The following PTPN2 variants were observed in gnomAD, a reference collection of about 807,000 sequenced individuals.
PTPN2 encodes tyrosine-protein phosphatase non-receptor type 2.
PTPN2 carries 19 observed loss-of-function variants against 57.3 expected under a neutral mutation model. That is an observed-to-expected ratio of 0.33 (90% confidence interval 0.23 to 0.49). PTPN2 has a LOEUF of 0.49. Among genes scored for constraint, PTPN2 ranks in the 20% least tolerant of loss-of-function variants. PTPN2 has a pLI of 0.99. For synonymous variants in PTPN2, 153 were observed against 164.9 expected, an observed-to-expected ratio of 0.93 and a Z score of 0.55; for missense variants, 358 against 501.1, an observed-to-expected ratio of 0.71 and a Z score of 2.73.
downstream of PTPN2, among the ~76,000 whole-genome samples, chr18:12,791,278 T>C (rs544279142): frequency 5.9e-5 from 9 of 152,218 alleles, no homozygotes; most frequent in Non-Finnish European, 1.0e-4. Flanking sequence ...GGAAATGAAC[T>C]AGATATGAAT....
chr18:12,817,151 C>G lies in PTPN2; in HGVS notation c.705+5G>C. The G allele has an allele frequency of 1.2e-6, 2 of 1,608,048 alleles. No homozygotes were observed. The highest frequency in any genetic ancestry group is 1.7e-6 in the Non-Finnish European group (2 of 1,178,030). ...GATTAAAATGAGATCGTAAGAAGCA[C>G]TTACCAAAACAAGACAAGTGTCTAC... On this transcript the variant is annotated splice_donor_5th_base_variant and intron_variant, in intron 6 of 8. Transcript: ENST00000309660.
At chr18:12,820,333 A>G (rs1182899199) in intron 5 of PTPN2, among the ~76,000 whole-genome samples, 1 of 152,150 alleles carries the variant, frequency 6.6e-6, no homozygotes, top group Non-Finnish European at 1.5e-5. Context: ...AAACAAGATT[A>G]AAAAAACACA....
chr18:12,820,624 T>TTG (rs2042238829), intron 5 of PTPN2, among the ~76,000 whole-genome samples: 1 of 152,236 alleles, frequency 6.6e-6, no homozygotes, highest in Non-Finnish European at 1.5e-5. Flanking sequence ...TTTCTTCTCC[T>TTG]TGGTCACCGA....
intron 3 of PTPN2, among the ~76,000 whole-genome samples, chr18:12,834,395 G>A (rs1364541973): frequency 6.6e-6 from 1 of 151,316 alleles, no homozygotes; most frequent in Non-Finnish European, 1.5e-5. Context: ...ATAAAATAAA[G>A]GTAATACTAT....
intron 1 of PTPN2, chr18:12,872,223 C>T (rs182090909): frequency 2.4e-4 from 36 of 152,250 alleles, no homozygotes; most frequent in Admixed American, 2.2e-3. Flanking sequence ...ATCCTGTAGC[C>T]TTACCTCAAA....
At chr18:12,857,078 A>T (rs2145466888) in intron 2 of PTPN2, among the ~76,000 whole-genome samples, 1 of 151,810 alleles carries the variant, frequency 6.6e-6, no homozygotes, top group South Asian at 2.1e-4. Context: ...AAAAAAAAAA[A>T]ATCCCATTTA....
chr18:12,856,267 C>T (rs2043586419), intron 2 of PTPN2, among the ~76,000 whole-genome samples: 1 of 152,188 alleles, frequency 6.6e-6, no homozygotes, highest in South Asian at 2.1e-4. Flanking sequence ...CCAGCACAAG[C>T]CTTGGAAGAG....
chr18:12,805,574 C>T (rs2041615733), intron 7 of PTPN2, among the ~76,000 whole-genome samples: 1 of 151,744 alleles, frequency 6.6e-6, no homozygotes. Context: ...TAATATCATA[C>T]TGAACATGAA....
In PTPN2 at chr18:12,837,733, C is replaced by T. The variant is rs1289239634; in HGVS notation, c.161-842G>A. ...GAATGCATACTATTACAAGTTGTCC[C>T]TCTCAAAGAAATCCATACTAAATAG... On this transcript the variant is annotated intron_variant, in intron 2 of 8. Transcript: ENST00000309660. 5.3e-5 allele frequency among the ~76,000 whole-genome samples: 8 copies of T among 151,388 alleles called. No individual in the cohort carries two copies. In the Admixed American group the frequency reaches 5.3e-4, roughly 10 times the overall value.
intron 5 of PTPN2, among the ~76,000 whole-genome samples, chr18:12,825,333 G>T (rs1210183742): frequency 6.6e-6 from 1 of 152,102 alleles, no homozygotes; most frequent in East Asian, 1.9e-4. Context: ...ACAGGTCCTG[G>T]GAGCTATTGC....
chr18:12,868,412 G>A (rs997596802), intron 1 of PTPN2, among the ~76,000 whole-genome samples: 1 of 151,858 alleles, frequency 6.6e-6, no homozygotes, highest in Non-Finnish European at 1.5e-5. Context: ...ACATCACCAT[G>A]CCTGGCTAAT....
At chr18:12,830,832 T>C in intron 4 of PTPN2, 111 bp downstream of exon 4, 1 of 737,994 alleles carries the variant, frequency 1.4e-6, no homozygotes, top group Non-Finnish European at 2.2e-6. Context: ...CGCTAGCCTT[T>C]AGCAATTAAA....
intron 5 of PTPN2, chr18:12,819,030 G>A: frequency 3.2e-6 from 1 of 316,194 alleles, no homozygotes; most frequent in Non-Finnish European, 5.8e-6. Context: ...GGAGGCGGAG[G>A]TTGTGGTGAG....
chr18:12,860,074 G>A (rs2145477818), intron 1 of PTPN2, among the ~76,000 whole-genome samples: 1 of 152,144 alleles, frequency 6.6e-6, no homozygotes, highest in South Asian at 2.1e-4. Flanking sequence ...AATCACCTGA[G>A]GTCAGGAGTT....
chr18:12,855,163 C>A (rs1343767542), intron 2 of PTPN2, among the ~76,000 whole-genome samples: 1 of 152,054 alleles, frequency 6.6e-6, no homozygotes, highest in South Asian at 2.1e-4. Context: ...AGTGGGGAGG[C>A]TGGAGAAGAA....
chr18:12,822,348 A>G (rs1402628363), intron 5 of PTPN2, among the ~76,000 whole-genome samples: 1 of 152,214 alleles, frequency 6.6e-6, no homozygotes, highest in East Asian at 1.9e-4. Flanking sequence ...GCGGGCCAAC[A>G]TTACAGAAAT....
intron 8 of PTPN2, among the ~76,000 whole-genome samples, chr18:12,800,767 A>G (rs944127964): frequency 6.6e-6 from 1 of 152,186 alleles, no homozygotes; most frequent in African/African-American, 2.4e-5. Flanking sequence ...CAAAAAGAGA[A>G]GAAGAAAAGT....
intron 3 of PTPN2, among the ~76,000 whole-genome samples, chr18:12,831,749 G>A (rs1205522853): frequency 6.6e-6 from 1 of 152,222 alleles, no homozygotes; most frequent in African/African-American, 2.4e-5. Flanking sequence ...TGCACAGTAT[G>A]TACGGCCTCA....
intron 1 of PTPN2, among the ~76,000 whole-genome samples, chr18:12,865,887 AAGAGTTAACATATGAACT>A (rs1411010708): frequency 1.3e-5 from 2 of 152,168 alleles, no homozygotes; most frequent in Non-Finnish European, 2.9e-5. Context: ...ATGCTGAACA[AAGAGTTAACATATGAACT>A]AGCTATTCTA....
Sources: gnomAD v4.1 joint callset for allele counts (sites outside exome capture counted in the v4.1 genomes callset) on GRCh38, gnomAD v4.1.1 for gene constraint, MANE v1.5 for transcripts, NCBI Gene and HGNC (gene_info 2026-07-23, HGNC 2026-07-21) for gene names.